Variants in HMBOX1 observed in about 807,000 individuals in gnomAD.
The protein encoded by HMBOX1 is homeobox-containing protein 1.
A neutral mutation model predicts 54.5 loss-of-function variants in HMBOX1; 14 were observed. The observed-to-expected ratio is 0.26, with a 90% CI of 0.17 to 0.40. HMBOX1 has a LOEUF of 0.40. Among genes scored for constraint, HMBOX1 ranks in the 10% least tolerant of loss-of-function variants. The pLI, the probability that HMBOX1 is intolerant of heterozygous loss-of-function variation, is 1.00. For missense variants in HMBOX1, 332 were observed against 514.4 expected, an observed-to-expected ratio of 0.65 and a Z score of 3.43; for synonymous variants, 160 against 181.0, an observed-to-expected ratio of 0.88 and a Z score of 0.93.
intron 1 of HMBOX1, among the ~76,000 whole-genome samples, chr8:28,963,008 G>GA (rs1207527693): frequency 6.6e-6 from 1 of 152,098 alleles, no homozygotes; most frequent in East Asian, 1.9e-4. Context: ...AGCAGGTAGT[G>GA]AAAAATGTGT....
intron 2 of HMBOX1, among the ~76,000 whole-genome samples, chr8:28,968,989 C>T (rs1455595196): frequency 6.6e-6 from 1 of 152,094 alleles, no homozygotes; most frequent in Non-Finnish European, 1.5e-5. Flanking sequence ...GCCTGGCCAA[C>T]ATGTTGAAAC....
intron 1 of HMBOX1, among the ~76,000 whole-genome samples, chr8:28,955,108 T>C (rs1824177330): frequency 6.6e-6 from 1 of 152,194 alleles, no homozygotes; most frequent in Non-Finnish European, 1.5e-5. Flanking sequence ...TCAGAGTTCA[T>C]TTCTGATGGT....
intron 1 of HMBOX1, among the ~76,000 whole-genome samples, chr8:28,960,738 A>ACTTATTCT (rs1176478378): frequency 1.4e-5 from 1 of 69,510 alleles, no homozygotes; most frequent in African/African-American, 5.3e-5. Flanking sequence ...ATAATTGTAA[A>ACTTATTCT]CTTATTCTCT....
chr8:29,018,835 C>G lies in HMBOX1; in HGVS notation c.773C>G (p.Ser258Cys), dbSNP rs1340114008. ...PEWRQTPPPV[S>C]ATSGTFRLRR... ...TGGAGACAAACGCCTCCCCCAGTCTCTGCCACATCTGGTACTTTCCGACTG... is the reference window on the plus strand; with the variant it reads ...TGGAGACAAACGCCTCCCCCAGTCTGTGCCACATCTGGTACTTTCCGACTG... Residue 258 changes from serine to cysteine, a missense_variant, in exon 6 of 10, where the codon TCT (serine) becomes TGT (cysteine). Physicochemically the swap from Ser to Cys is moderately radical, Grantham distance 112. This residue lies in a region of HMBOX1 where 117 missense variants were observed against 220.0 expected (regional missense o/e 0.53). Coordinates refer to ENST00000287701, the MANE Select transcript of HMBOX1 (RefSeq NM_001135726.3). 6.2e-7 allele frequency: 1 copy of G among 1,614,068 alleles called. No individual in the cohort carries two copies. Among genetic ancestry groups the G allele is most frequent in the African/African-American group, 1.3e-5 (1 of 74,934 alleles).
At chr8:29,036,543 T>C (rs538444883) in intron 6 of HMBOX1, among the ~76,000 whole-genome samples, 169 of 152,326 alleles carry the variant, frequency 1.1e-3, no homozygotes, top group Non-Finnish European at 2.0e-3. Context: ...TAGATTTCCT[T>C]TCCCAAAGAG....
rs1273772217 is a variant in HMBOX1, at chr8:29,053,049, T to G, written c.*1894T>G. On this transcript the variant is annotated 3_prime_UTR_variant, in exon 10 of 10. Coordinates refer to ENST00000287701, the MANE Select transcript of HMBOX1 (RefSeq NM_001135726.3). ...GAGATACTGAATATCCGCCAGTTTG[T>G]AGTTGGTTTCCTTCCACTTAAGGCA... 6.6e-6 allele frequency: 1 copy of G among 152,610 alleles called. No individual in the cohort carries two copies. The highest frequency in any genetic ancestry group is 2.4e-5 in the African/African-American group (1 of 41,450). The allele number at this position is 152,610 out of a possible 1,614,324, so 9.5% of individuals were successfully genotyped here.
intron 4 of HMBOX1, among the ~76,000 whole-genome samples, chr8:28,986,934 G>A (rs928084221): frequency 6.6e-6 from 1 of 152,082 alleles, no homozygotes; most frequent in Non-Finnish European, 1.5e-5. Context: ...TGACAGCTAA[G>A]TGAGGAATTG....
intron 1 of HMBOX1, among the ~76,000 whole-genome samples, chr8:28,944,401 C>G (rs1822031929): frequency 6.6e-6 from 1 of 152,130 alleles, no homozygotes; most frequent in Admixed American, 6.5e-5. Context: ...TTTGAAGGAG[C>G]AGGAGAGCAT....
chr8:29,007,581 G>A (rs918623079), intron 4 of HMBOX1, among the ~76,000 whole-genome samples: 9 of 152,192 alleles, frequency 5.9e-5, no homozygotes, highest in Admixed American at 2.0e-4. Context: ...ACTTTGGGAG[G>A]CCAAGGCAGG....
Position 29,051,330 on chromosome 8 carries a change from C to A in HMBOX1, c.*175C>A. 1 of 667,844 alleles carries A rather than the reference C, an allele frequency of 1.5e-6. No homozygotes were observed. The highest frequency in any genetic ancestry group is 2.6e-6 in the Non-Finnish European group (1 of 388,416). The allele number at this position is 667,844 out of a possible 1,614,324, so 41.4% of individuals were successfully genotyped here. The stretch of plus-strand genomic sequence containing the variant: ...GGTGCCCTCAGCCTTTGCATATACT[C>A]TCTCAGTATTAACTCCCAGTAAATA... On this transcript the variant is annotated 3_prime_UTR_variant, in exon 10 of 10. Transcript: ENST00000287701.
intron 3 of HMBOX1, among the ~76,000 whole-genome samples, chr8:28,976,788 C>G (rs1261283805): frequency 6.7e-6 from 1 of 150,126 alleles, no homozygotes; most frequent in South Asian, 2.1e-4. Context: ...CTCACTGCAA[C>G]CTCCGCCTCT....
intron 3 of HMBOX1, among the ~76,000 whole-genome samples, chr8:28,977,757 G>C: frequency 6.6e-6 from 1 of 151,944 alleles, no homozygotes; most frequent in Non-Finnish European, 1.5e-5. Context: ...TGGCTAACAC[G>C]GTGAAACCCC....
intron 4 of HMBOX1, among the ~76,000 whole-genome samples, chr8:28,993,441 A>G (rs1831297400): frequency 6.6e-6 from 1 of 152,214 alleles, no homozygotes; most frequent in Non-Finnish European, 1.5e-5. Flanking sequence ...GTATGATAAC[A>G]AAATGCTGTA....
rs1422527453 is a variant in HMBOX1, at chr8:28,988,238, G to C, written c.586+8082G>C. ...AGCATGATGCTTTTAAGATTCGTGA[G>C]TGTTGTTACATGTTTCAGTTATTTA... On this transcript the variant is annotated intron_variant, in intron 4 of 9. Coordinates refer to ENST00000287701, the MANE Select transcript of HMBOX1 (RefSeq NM_001135726.3). Among the ~76,000 whole-genome samples the C allele has an allele frequency of 2.6e-5, 4 of 152,220 alleles. No individual in the cohort carries two copies. The South Asian group carries it at 8.3e-4, about 32-fold the overall frequency.
intron 4 of HMBOX1, among the ~76,000 whole-genome samples, chr8:28,999,894 A>G (rs1832384778): frequency 6.6e-6 from 1 of 152,068 alleles, no homozygotes; most frequent in South Asian, 2.1e-4. Flanking sequence ...TTCTTCTAGG[A>G]CACTTCTTAT....
At chr8:29,049,626 T>G (rs1022525199) in intron 9 of HMBOX1, 12 of 447,216 alleles carry the variant, frequency 2.7e-5, no homozygotes, top group African/African-American at 1.9e-4. Flanking sequence ...CACCTCGCCC[T>G]GATTTATTCT....
intron 1 of HMBOX1, among the ~76,000 whole-genome samples, chr8:28,948,681 T>G (rs1822907472): frequency 1.3e-5 from 2 of 152,220 alleles, no homozygotes; most frequent in Non-Finnish European, 2.9e-5. Flanking sequence ...AACCTGGGAA[T>G]CAGAGTTTCT....
At chr8:28,932,934 A>C (rs1166620939) in intron 1 of HMBOX1, among the ~76,000 whole-genome samples, 1 of 152,216 alleles carries the variant, frequency 6.6e-6, no homozygotes, top group Non-Finnish European at 1.5e-5. Context: ...TTTTCTTTAC[A>C]TGGTGATCTC....
rs1476024067 is a variant in HMBOX1, at chr8:29,052,778, C to G, written c.*1623C>G. 6.6e-6 allele frequency: 1 copy of G among 152,196 alleles called. No homozygotes were observed. Among genetic ancestry groups the G allele is most frequent in the Non-Finnish European group, 1.5e-5 (1 of 68,044 alleles). The allele number at this position is 152,196 out of a possible 1,614,324, so 9.4% of individuals were successfully genotyped here. A position where few individuals can be genotyped will look rare whatever the true frequency, so the allele number is the denominator to read the frequency against. The stretch of plus-strand genomic sequence containing the variant: ...CAGGGTGCGCCTGAAAGAGGCACAA[C>G]TGCTGTGGATTTTCTGCCTCGCTCC... On this transcript the variant is annotated 3_prime_UTR_variant, in exon 10 of 10. Coordinates refer to ENST00000287701, the MANE Select transcript of HMBOX1 (RefSeq NM_001135726.3).
Sources: gnomAD v4.1 joint callset for allele counts (sites outside exome capture counted in the v4.1 genomes callset) on GRCh38, gnomAD v4.1.1 for gene constraint, gnomAD v4.1.1 regional missense constraint, MANE v1.5 for transcripts, NCBI Gene and HGNC (gene_info 2026-07-23, HGNC 2026-07-21) for gene names.